The following MTPAP variants were observed in gnomAD, a reference collection of about 807,000 sequenced individuals.
MTPAP encodes the protein mitochondrial poly(A) polymerase.
Under a neutral mutation model 48.7 loss-of-function variants are expected in MTPAP, and 23 were observed. The observed-to-expected ratio is 0.47, with a 90% CI of 0.34 to 0.67. The LOEUF (loss-of-function observed/expected upper bound fraction) is 0.67, where lower values mean the gene tolerates loss of function less well. Among genes scored for constraint, MTPAP ranks in the 30% least tolerant of loss-of-function variants. The pLI, the probability that MTPAP is intolerant of heterozygous loss-of-function variation, is 0.01. For synonymous variants in MTPAP, 257 were observed against 254.1 expected, an observed-to-expected ratio of 1.01 and a Z score of -0.11; for missense variants, 614 against 694.3, an observed-to-expected ratio of 0.88 and a Z score of 1.30.
intron 3 of MTPAP, 112 bp from the exon 4 acceptor site, chr10:30,337,139 G>A (rs1834739542): frequency 2.1e-6 from 2 of 934,322 alleles, no homozygotes; most frequent in African/African-American, 3.3e-5. Flanking sequence ...TTAGAAATAT[G>A]CAAAGCCTGG....
chr10:30,336,628 GAAC>G (rs1226970252), intron 4 of MTPAP, among the ~76,000 whole-genome samples, 172 bp downstream of exon 4: 4 of 152,114 alleles, frequency 2.6e-5, no homozygotes, highest in South Asian at 2.1e-4. Flanking sequence ...TCACATAGTA[GAAC>G]AATACAAAGA....
At position 30,316,030 on chromosome 10, in the gene MTPAP, A is replaced by G. The variant is rs1248924230; in HGVS notation, c.1319T>C (p.Leu440Pro). ...AAAATACTCAAAAAATTCCTTCAGT[A>G]GTAATTCTGTAAGAAAATAAAACAA... ...PSQNTETLEL[L>P]LKEFFEYFGN... Residue 440 changes from leucine (L) to proline (P), a missense_variant, in exon 8 of 9, where the codon CTA becomes CCA. Leu to Pro is a moderately conservative substitution (Grantham distance 98). Transcript: ENST00000263063. 2.5e-6 allele frequency: 4 copies of G among 1,611,812 alleles called. No homozygotes were observed. The highest frequency in any genetic ancestry group is 3.4e-6 in the Non-Finnish European group (4 of 1,178,312).
intron 3 of MTPAP, among the ~76,000 whole-genome samples, chr10:30,338,588 T>A (rs1159436539): frequency 2.6e-5 from 4 of 151,828 alleles, no homozygotes; most frequent in Non-Finnish European, 5.9e-5. Context: ...GGCAGGAGAA[T>A]CGCTTGAACC....
At chr10:30,339,647 G>A (rs1408329953) in intron 3 of MTPAP, among the ~76,000 whole-genome samples, 4 of 152,122 alleles carry the variant, frequency 2.6e-5, no homozygotes, top group African/African-American at 7.2e-5. Flanking sequence ...AGTACAAATG[G>A]GGCATGGCGG....
intron 5 of MTPAP, among the ~76,000 whole-genome samples, chr10:30,325,722 C>G (rs964109955): frequency 1.3e-5 from 2 of 151,926 alleles, no homozygotes; most frequent in Admixed American, 6.6e-5. Context: ...TGCACTCCAG[C>G]CTAGGCAACA....
In MTPAP at chr10:30,315,989, C is replaced by T. The variant is rs775821066; in HGVS notation, c.1360G>A (p.Asp454Asn). The change falls in exon 8 of 9, where the codon GAT (aspartate) becomes AAT (asparagine). Residue 454 changes from aspartate (D) to asparagine (N), a missense_variant. Asp to Asn is a conservative substitution (Grantham distance 23). Transcript: ENST00000263063. ...TGTCGAATATTTATGGAATTTTTAT[C>T]GAAAGCAAAATTGCCAAAATACTCA... ...FFEYFGNFAF[D>N]KNSINIRQGR... 6.1e-5 allele frequency: 98 copies of T among 1,604,558 alleles called. 1 individual carries two copies. Among genetic ancestry groups the T allele is most frequent in the Non-Finnish European group, 7.8e-5 (91 of 1,173,308 alleles).
chr10:30,327,778 G>A (rs1834616149), intron 4 of MTPAP, among the ~76,000 whole-genome samples: 1 of 151,494 alleles, frequency 6.6e-6, no homozygotes, highest in Non-Finnish European at 1.5e-5. Context: ...CCTGGAAGGT[G>A]GAGGTTGCAG....
rs1840588347 is a variant in MTPAP, at chr10:30,311,111, G to A, written c.*2498C>T. On this transcript the variant is annotated 3_prime_UTR_variant, in exon 9 of 9. Coordinates refer to ENST00000263063, the MANE Select transcript of MTPAP (RefSeq NM_018109.4). ...AAAGAAAATATCTGACTAAATATCTGTGAACAGAAAAAAAAATTTCATTTA... is the reference window on the plus strand; with the variant it reads ...AAAGAAAATATCTGACTAAATATCTATGAACAGAAAAAAAAATTTCATTTA... 1 of 152,084 alleles carries A rather than the reference G, an allele frequency of 6.6e-6. No homozygotes were observed. The highest frequency in any genetic ancestry group is 6.5e-5 in the Admixed American group (1 of 15,272). The allele number at this position is 152,084 out of a possible 1,614,324, so 9.4% of individuals were successfully genotyped here. A position where few individuals can be genotyped will look rare whatever the true frequency, so the allele number is the denominator to read the frequency against.
chr10:30,316,070 A>T, intron 7 of MTPAP, 34 bp from the exon 8 acceptor site: 1 of 1,609,684 alleles, frequency 6.2e-7, no homozygotes, highest in Non-Finnish European at 8.5e-7. Context: ...AATCAGAGGA[A>T]AGCCTGTTTC....
chr10:30,342,597 A>C (rs1398515803), intron 1 of MTPAP, among the ~76,000 whole-genome samples: 5 of 152,160 alleles, frequency 3.3e-5, no homozygotes, highest in Non-Finnish European at 7.3e-5. Flanking sequence ...TACTTGTACA[A>C]ATATGCACAC....
chr10:30,339,961 C>A, intron 3 of MTPAP: 1 of 491,218 alleles, frequency 2.0e-6, no homozygotes, highest in Non-Finnish European at 3.7e-6. Context: ...TGCCAGTCAT[C>A]AATACCATCT....
At position 30,338,409 on chromosome 10, in the gene MTPAP, C is replaced by T. The variant is rs577718642; in HGVS notation, c.556-1382G>A. Among the ~76,000 whole-genome samples the T allele has an allele frequency of 1.0e-3, 153 of 152,256 alleles. 3 individuals carry two copies. The highest frequency in any genetic ancestry group is 5.7e-3 in the Admixed American group (87 of 15,302). ...ATAAAAGAGGCCGGGCTCGGTGGCTCATGCCTGTAATCCCAGCACTTTGGG... is the reference window on the plus strand; with the variant it reads ...ATAAAAGAGGCCGGGCTCGGTGGCTTATGCCTGTAATCCCAGCACTTTGGG... On this transcript the variant is annotated intron_variant, in intron 3 of 8. Coordinates refer to ENST00000263063, the MANE Select transcript of MTPAP (RefSeq NM_018109.4).
At chr10:30,343,770 G>A (rs746464365) in intron 1 of MTPAP, among the ~76,000 whole-genome samples, 16 of 151,796 alleles carry the variant, frequency 1.1e-4, no homozygotes, top group Middle Eastern at 3.2e-3. Flanking sequence ...GTTTCACTAC[G>A]TTGGTCAGGC....
At chr10:30,326,712 G>A in intron 4 of MTPAP, 77 bp from the exon 5 acceptor site, 1 of 1,057,722 alleles carries the variant, frequency 9.5e-7, no homozygotes, top group Non-Finnish European at 1.4e-6. Flanking sequence ...GTAAAAGAAT[G>A]CTCTAAATCA....
chr10:30,349,006 C>T, intron 1 of MTPAP, 113 bp downstream of exon 1: 1 of 1,498,072 alleles, frequency 6.7e-7, no homozygotes, highest in South Asian at 1.1e-5. Context: ...GGACACAGCC[C>T]CACCCTCTTG....
intron 8 of MTPAP, among the ~76,000 whole-genome samples, chr10:30,314,309 A>G (rs2132842110): frequency 6.6e-6 from 1 of 152,292 alleles, no homozygotes; most frequent in African/African-American, 2.4e-5. Flanking sequence ...CTTTTACCTA[A>G]CAAGGTAGAG....
chr10:30,322,669 AG>A (rs1424156689), intron 5 of MTPAP, 52 bp from the exon 6 acceptor site: 1 of 1,347,220 alleles, frequency 7.4e-7, no homozygotes, highest in Non-Finnish European at 1.0e-6. Context: ...TTATAAACCA[AG>A]GGTAAAATTA....
chr10:30,340,379 T>G lies in MTPAP; in HGVS notation c.402A>C (p.Pro134=). The G allele has an allele frequency of 1.2e-6, 2 of 1,614,188 alleles. No homozygotes were observed. The highest frequency in any genetic ancestry group is 1.7e-6 in the Non-Finnish European group (2 of 1,180,038). The change falls in exon 3 of 9, where the codon CCA becomes CCC. Residue 134 remains proline (P), a synonymous_variant. Transcript: ENST00000263063. ...GAATTGCAGTCTCCATGGCCGTGCT[T>G]GGAGTATGAGTCCCATTCTGCAGTG... ...IGSLQNGTHT[P]STAMETAIPF...
At chr10:30,324,020 A>C (rs573557674) in intron 5 of MTPAP, among the ~76,000 whole-genome samples, 1 of 152,294 alleles carries the variant, frequency 6.6e-6, no homozygotes, top group South Asian at 2.1e-4. Context: ...GTCTCTACAA[A>C]AAATACAAAA....
Sources: gnomAD v4.1 joint callset for allele counts (sites outside exome capture counted in the v4.1 genomes callset) on GRCh38, gnomAD v4.1.1 for gene constraint, MANE v1.5 for transcripts, NCBI Gene and HGNC (gene_info 2026-07-23, HGNC 2026-07-21) for gene names.